The following TENM3 variants were observed in gnomAD, a reference collection of about 807,000 sequenced individuals.
TENM3 encodes teneurin-3.
TENM3 carries 63 observed loss-of-function variants against 255.1 expected under a neutral mutation model. The observed-to-expected ratio is 0.25, with a 90% CI of 0.20 to 0.30. TENM3 has a LOEUF of 0.30. TENM3 is among the 10% of genes least tolerant of loss of function. TENM3 has a pLI of 1.00. For synonymous variants in TENM3, 1,306 were observed against 1,322.3 expected (o/e 0.99, Z 0.27); for missense variants, 2,929 against 3,461.1 (o/e 0.85, Z 3.86).
chr4:182,047,235 C>A, the TENM3 span, among the ~76,000 whole-genome samples: 3,706 of 152,096 alleles, frequency 0.024, 156 homozygotes, highest in African/African-American at 0.082. Flanking sequence ...GGAAACATGG[C>A]AAGTATATAG....
At chr4:182,431,048 C>T (rs56912078) in intron 3 of TENM3, among the ~76,000 whole-genome samples, 88,767 of 142,698 alleles carry the variant, frequency 0.62, 26,988 homozygotes, top group East Asian at 0.77. Context: ...AACAAACAAA[C>T]AAACAAACAA....
chr4:181,872,764 T>G, the TENM3 span, among the ~76,000 whole-genome samples: 1 of 152,156 alleles, frequency 6.6e-6, no homozygotes, highest in East Asian at 1.9e-4. Flanking sequence ...ACAGAGGTAT[T>G]GAAGTCTTAC....
At chr4:182,245,460 TTG>T (rs1579874538) in intron 1 of TENM3, among the ~76,000 whole-genome samples, 1 of 152,336 alleles carries the variant, frequency 6.6e-6, no homozygotes, top group East Asian at 1.9e-4. Flanking sequence ...ATTGCAAATT[TTG>T]TTTTAATTCT....
At chr4:182,452,686 A>G (rs1773563758) in intron 3 of TENM3, among the ~76,000 whole-genome samples, 1 of 152,216 alleles carries the variant, frequency 6.6e-6, no homozygotes, top group East Asian at 1.9e-4. Context: ...GAAGTGATTC[A>G]TATCCAGAAA....
chr4:182,269,139 A>G (rs1759446244), intron 1 of TENM3, among the ~76,000 whole-genome samples: 1 of 152,202 alleles, frequency 6.6e-6, no homozygotes, highest in Admixed American at 6.5e-5. Flanking sequence ...CAGTTCGGAA[A>G]TGCTAGTTTT....
At chr4:181,597,129 G>A in the TENM3 span, among the ~76,000 whole-genome samples, 1 of 152,082 alleles carries the variant, frequency 6.6e-6, no homozygotes, top group Non-Finnish European at 1.5e-5. Flanking sequence ...TGAAACTTTT[G>A]TTTAAATGTT....
the TENM3 span, among the ~76,000 whole-genome samples, chr4:181,487,776 G>T: frequency 6.6e-6 from 1 of 152,092 alleles, no homozygotes; most frequent in Non-Finnish European, 1.5e-5. Flanking sequence ...ATATCTGGGT[G>T]GTCCTGCCGC....
chr4:181,593,828 G>A, the TENM3 span, among the ~76,000 whole-genome samples: 9,312 of 152,182 alleles, frequency 0.061, 1,000 homozygotes, highest in African/African-American at 0.21. Flanking sequence ...TTGGAGGTAT[G>A]GAAAATATGA....
the TENM3 span, among the ~76,000 whole-genome samples, chr4:181,792,637 C>T: frequency 2.0e-5 from 3 of 152,290 alleles, no homozygotes; most frequent in Middle Eastern, 6.8e-3. Context: ...CTCAAATAGC[C>T]TCTTCCAACA....
Position 182,753,545 on chromosome 4 carries a change from T to C in TENM3, c.3958T>C (p.Ser1320Pro). The stretch of plus-strand genomic sequence containing the variant: ...TGGAATCATATCAACTCTTCTGGGC[T>C]CTAACGATTTGACTTCAGCCAGACC... The part of the protein sequence containing the change: ...QNGIISTLLG[S>P]NDLTSARPLT... The change falls in exon 21 of 28, where the codon TCT becomes CCT. Residue 1320 changes from serine to proline, a missense_variant. Physicochemically the swap from Ser to Pro is moderately conservative, Grantham distance 74. Transcript: ENST00000511685. 1 of 1,613,962 alleles carries C rather than the reference T, an allele frequency of 6.2e-7. No homozygotes were observed. The highest frequency in any genetic ancestry group is 8.5e-7 in the Non-Finnish European group (1 of 1,179,858).
the TENM3 span, among the ~76,000 whole-genome samples, chr4:182,021,129 A>G: frequency 6.6e-6 from 1 of 152,168 alleles, no homozygotes; most frequent in African/African-American, 2.4e-5. Context: ...TATGTACCCA[A>G]TGTTTAGCTC....
At chr4:182,237,385 A>ATTTTT (rs1756963921) in intron 1 of TENM3, among the ~76,000 whole-genome samples, 2 of 61,110 alleles carry the variant, frequency 3.3e-5, no homozygotes, top group African/African-American at 2.4e-4. Context: ...CTTTTTTTTG[A>ATTTTT]AACGGAGTCT....
chr4:182,747,209 CTTT>C (rs564549590), intron 19 of TENM3, among the ~76,000 whole-genome samples: 1 of 152,128 alleles, frequency 6.6e-6, no homozygotes, highest in African/African-American at 2.4e-5. Context: ...AAAATGCAAA[CTTT>C]TTATCCTCTT....
the TENM3 span, among the ~76,000 whole-genome samples, chr4:181,520,106 GC>G: frequency 6.6e-6 from 1 of 152,266 alleles, no homozygotes; most frequent in Admixed American, 6.5e-5. Context: ...CAAGATGGTG[GC>G]AAAGCCCCAA....
At chr4:182,041,070 T>C in the TENM3 span, among the ~76,000 whole-genome samples, 1 of 152,170 alleles carries the variant, frequency 6.6e-6, no homozygotes. Context: ...AGCAAATATT[T>C]GTAAGTTCAC....
At chr4:181,763,343 G>A in the TENM3 span, among the ~76,000 whole-genome samples, 7 of 151,994 alleles carry the variant, frequency 4.6e-5, no homozygotes, top group Non-Finnish European at 1.0e-4. Context: ...AGTACAATTA[G>A]CGTCAACATC....
intron 3 of TENM3, among the ~76,000 whole-genome samples, chr4:182,432,890 T>C (rs112116894): frequency 0.031 from 1,332 of 42,292 alleles, 22 homozygotes; most frequent in African/African-American, 0.079. Flanking sequence ...TTTCACTATG[T>C]TGGCCAGGCT....
At chr4:181,486,794 C>G in the TENM3 span, among the ~76,000 whole-genome samples, 1 of 152,036 alleles carries the variant, frequency 6.6e-6, no homozygotes, top group Admixed American at 6.6e-5. Context: ...GATAATAAAC[C>G]TAAAGACGAT....
At chr4:181,904,889 C>T in the TENM3 span, among the ~76,000 whole-genome samples, 2 of 152,118 alleles carry the variant, frequency 1.3e-5, no homozygotes, top group Admixed American at 1.3e-4. Flanking sequence ...CCATGCTGTT[C>T]TCATGATAGC....
Sources: gnomAD v4.1 joint callset for allele counts (sites outside exome capture counted in the v4.1 genomes callset) on GRCh38, gnomAD v4.1.1 for gene constraint, MANE v1.5 for transcripts, NCBI Gene and HGNC (gene_info 2026-07-23, HGNC 2026-07-21) for gene names.